FREM1: variants seen among roughly 807,000 people sequenced by gnomAD.
FREM1 encodes the protein FRAS1-related extracellular matrix protein 1.
Under a neutral mutation model 210.1 loss-of-function variants are expected in FREM1, and 220 were observed. The observed-to-expected ratio is 1.05, with a 90% CI of 0.94 to 1.17. FREM1 has a LOEUF of 1.17. FREM1 is among the 50% of genes most tolerant of loss of function. The probability of loss-of-function intolerance (pLI) is 0.00; values close to 1 mark genes in which losing one functional copy is unlikely to be tolerated. For missense variants in FREM1, 3,454 were observed against 2,675.5 expected, an observed-to-expected ratio of 1.29 and a Z score of -6.42; for synonymous variants, 1,189 against 980.2, an observed-to-expected ratio of 1.21 and a Z score of -3.98.
intron 31 of FREM1, 115 bp downstream of exon 31, chr9:14,748,286 C>A (rs879482099): frequency 1.1e-5 from 7 of 657,414 alleles, no homozygotes; most frequent in Non-Finnish European, 1.9e-5. Context: ...CCATGGCCCC[C>A]ACTCACTATG....
Position 14,836,222 on chromosome 9 carries a change from A to G in FREM1, c.1881+5225T>C, listed in dbSNP as rs1420065377. On this transcript the variant is annotated intron_variant, in intron 10 of 36. Coordinates refer to ENST00000380880, the MANE Select transcript of FREM1 (RefSeq NM_001379081.2). This position sits in a 1 kb window ranked among gnomAD's most constrained non-coding sequence, Gnocchi z 4.9. Reference sequence around the variant, plus strand: ...TGGGAATTGCTGTCCTCACTCTACTATTTGCAATAGGGTTATACACGGTAG... The same window carrying G: ...TGGGAATTGCTGTCCTCACTCTACTGTTTGCAATAGGGTTATACACGGTAG... Among the ~76,000 whole-genome samples, 2 of 152,208 alleles carry G rather than the reference A, an allele frequency of 1.3e-5. No individual in the cohort carries two copies. The highest frequency in any genetic ancestry group is 3.9e-4 in the East Asian group (2 of 5,194).
At chr9:14,806,344 C>T (rs12336864) in intron 18 of FREM1, among the ~76,000 whole-genome samples, 3 of 151,070 alleles carry the variant, frequency 2.0e-5, no homozygotes, top group Admixed American at 1.3e-4. Flanking sequence ...CAACCTCTGC[C>T]TCCTGGTTTC....
chr9:14,901,089 T>G (rs913254957), intron 1 of FREM1, among the ~76,000 whole-genome samples: 3 of 152,234 alleles, frequency 2.0e-5, no homozygotes, highest in Admixed American at 6.5e-5. Context: ...GTCTATATAT[T>G]ATAACAATAA....
chr9:14,904,347 A>T (rs549696478), intron 1 of FREM1, among the ~76,000 whole-genome samples: 83 of 152,296 alleles, frequency 5.4e-4, no homozygotes, highest in African/African-American at 1.9e-3. Context: ...CAATTCACAG[A>T]AAGCACAAAT....
intron 15 of FREM1, among the ~76,000 whole-genome samples, chr9:14,814,438 A>G (rs1360054004): frequency 2.0e-5 from 3 of 152,232 alleles, no homozygotes; most frequent in African/African-American, 7.2e-5. Flanking sequence ...GCAACTATGT[A>G]TATGTGTCCT....
chr9:14,903,539 T>C (rs748743680), intron 1 of FREM1, among the ~76,000 whole-genome samples: 3 of 152,164 alleles, frequency 2.0e-5, no homozygotes, highest in Non-Finnish European at 2.9e-5. Flanking sequence ...AAATGCCTCA[T>C]TCAGGATTCC....
At chr9:14,785,226 G>A (rs7027322) in intron 23 of FREM1, among the ~76,000 whole-genome samples, 114,894 of 152,170 alleles carry the variant, frequency 0.76, 43,525 homozygotes, top group Admixed American at 0.78. Context: ...ACTGTGTTCT[G>A]TTCACACAAC....
In FREM1 at chr9:14,771,088, G is replaced by A. The variant is rs189839213; in HGVS notation, c.4858-282C>T. Among the ~76,000 whole-genome samples, 120 of 152,228 alleles carry A rather than the reference G, an allele frequency of 7.9e-4. 2 individuals carry two copies. Among genetic ancestry groups the A allele is most frequent in the African/African-American group, 2.4e-3 (99 of 41,556 alleles). ...GGATACAAGTTCCGAGAGGGCAGGC[G>A]TCAGGTCTTTCACCGCCATGGATTC... On this transcript the variant is annotated intron_variant, in intron 25 of 36. Transcript: ENST00000380880.
intron 1 of FREM1, among the ~76,000 whole-genome samples, chr9:14,869,909 C>T (rs1832275336): frequency 6.6e-6 from 1 of 152,224 alleles, no homozygotes; most frequent in Admixed American, 6.5e-5. Context: ...AGCATATGGA[C>T]ATGCGTATTT....
rs1819674311 is a variant in FREM1 at position 14,813,002 on chromosome 9, G to A, written c.2703C>T (p.Cys901=). ...LKADLMPVMN[C]SEGGEVVITS... ...TGATGACCACCTCTCCTCCCTCTGA[G>A]CAATTCATGACAGGCATGAGGTCAG... Residue 901 remains cysteine, a synonymous_variant, in exon 16 of 37, where the codon TGC becomes TGT. Transcript: ENST00000380880. 2.5e-6 allele frequency: 4 copies of A among 1,613,730 alleles called. No individual in the cohort carries two copies. The highest frequency in any genetic ancestry group is 1.3e-5 in the African/African-American group (1 of 74,904).
At chr9:14,804,927 G>C in intron 19 of FREM1, 29 bp downstream of exon 19, 1 of 1,529,726 alleles carries the variant, frequency 6.5e-7, no homozygotes, top group Non-Finnish European at 9.1e-7. Flanking sequence ...TGATAAAAGA[G>C]AAATGGAACA....
At chr9:14,797,945 T>C (rs914036232) in intron 20 of FREM1, among the ~76,000 whole-genome samples, 3 of 152,204 alleles carry the variant, frequency 2.0e-5, no homozygotes, top group Non-Finnish European at 4.4e-5. Context: ...ACTGAGAAAG[T>C]TAATTATTTG....
intron 29 of FREM1, among the ~76,000 whole-genome samples, chr9:14,752,826 A>T (rs759219264): frequency 6.6e-5 from 10 of 152,176 alleles, no homozygotes; most frequent in Non-Finnish European, 1.5e-4. Flanking sequence ...TTTAAGGTTA[A>T]TTTTTTAAAA....
In FREM1 at chr9:14,797,532, T is replaced by A. The variant is rs779683819; in HGVS notation, c.3805A>T (p.Ile1269Phe). ...ATTGGTTTTTCATCATTAACTGGGA[T>A]GACCTCTACTGAAATGGTTTTAAGT... ...KILKTISVEV[I>F]PVNDEKPMLS... The change falls in exon 21 of 37, where the codon ATC (isoleucine) becomes TTC (phenylalanine). Residue 1269 changes from isoleucine (I) to phenylalanine (F), a missense_variant. By Grantham distance (21) the Ile-to-Phe change is conservative. Coordinates refer to ENST00000380880, the MANE Select transcript of FREM1 (RefSeq NM_001379081.2). 1 of 1,611,606 alleles carries A rather than the reference T, an allele frequency of 6.2e-7. No individual in the cohort carries two copies. The highest frequency in any genetic ancestry group is 8.5e-7 in the Non-Finnish European group (1 of 1,178,686).
rs1394037743 is a variant in FREM1 at position 14,836,788 on chromosome 9, T to C, written c.1881+4659A>G. 1.3e-5 allele frequency among the ~76,000 whole-genome samples: 2 copies of C among 152,122 alleles called. No homozygotes were observed. The highest frequency in any genetic ancestry group is 4.8e-5 in the African/African-American group (2 of 41,408). Reference sequence around the variant, plus strand: ...GAGGAGCCCTAACTGCTGTTCCCCATTCAACGCCCCTTTTAAGTAGGAAGT... The same window carrying C: ...GAGGAGCCCTAACTGCTGTTCCCCACTCAACGCCCCTTTTAAGTAGGAAGT... On this transcript the variant is annotated intron_variant, in intron 10 of 36. Coordinates refer to ENST00000380880, the MANE Select transcript of FREM1 (RefSeq NM_001379081.2). This position sits in a 1 kb window ranked among gnomAD's most constrained non-coding sequence, Gnocchi z 4.9.
intron 22 of FREM1, among the ~76,000 whole-genome samples, chr9:14,792,526 G>A (rs1851608888): frequency 6.6e-6 from 1 of 152,144 alleles, no homozygotes; most frequent in Non-Finnish European, 1.5e-5. Flanking sequence ...CTACGGGAGA[G>A]GGAGCAATGA....
intron 20 of FREM1, among the ~76,000 whole-genome samples, chr9:14,799,496 G>C (rs1853111710): frequency 6.6e-6 from 1 of 152,012 alleles, no homozygotes; most frequent in Admixed American, 6.5e-5. Context: ...TTTTATGTAG[G>C]AAATTTTTAT....
intron 10 of FREM1, among the ~76,000 whole-genome samples, chr9:14,832,318 A>C (rs1823713185): frequency 6.6e-6 from 1 of 152,218 alleles, no homozygotes; most frequent in East Asian, 1.9e-4. Flanking sequence ...GGTATATAGA[A>C]GCTTTCCAAA....
At chr9:14,880,669 C>T (rs7862716) in intron 1 of FREM1, among the ~76,000 whole-genome samples, 51,299 of 149,860 alleles carry the variant, frequency 0.34, 11,222 homozygotes, top group East Asian at 0.71. Flanking sequence ...TGTGTGTTGA[C>T]ATAAACAGAA....
Sources: allele counts gnomAD v4.1 joint callset (sites outside exome capture counted in the v4.1 genomes callset), GRCh38; gene constraint gnomAD v4.1.1; non-coding constraint Gnocchi (gnomAD v3.1); transcripts MANE v1.5; gene names NCBI Gene and HGNC (gene_info 2026-07-23, HGNC 2026-07-21).